Variants in B4GALT1 observed in about 807,000 individuals in gnomAD.
B4GALT1 encodes N-acetyllactosamine synthase.
In B4GALT1, 16 loss-of-function variants were observed where a neutral mutation model predicts 34.9. The ratio of observed to expected loss-of-function variants is 0.46; its 90% CI spans 0.31 to 0.70. The LOEUF (loss-of-function observed/expected upper bound fraction) is 0.70. B4GALT1 is among the 30% of genes least tolerant of loss of function. The pLI, the probability that B4GALT1 is intolerant of heterozygous loss-of-function variation, is 0.05. For missense variants in B4GALT1, 445 were observed against 530.5 expected (o/e 0.84, Z 1.58); for synonymous variants, 221 against 218.1 (o/e 1.01, Z -0.12).
chr9:33,152,642 C>T (rs574346366), intron 1 of B4GALT1, among the ~76,000 whole-genome samples: 9 of 151,744 alleles, frequency 5.9e-5, no homozygotes. Context: ...TTTGGGAGGC[C>T]GAGGCAGGTG....
At chr9:33,161,183 C>T (rs1342207643) in intron 1 of B4GALT1, among the ~76,000 whole-genome samples, 1 of 152,124 alleles carries the variant, frequency 6.6e-6, no homozygotes, top group Non-Finnish European at 1.5e-5. Flanking sequence ...TAGCCCCTGG[C>T]CTTCATTTGT....
chr9:33,153,815 C>T (rs367803157), intron 1 of B4GALT1, among the ~76,000 whole-genome samples: 9 of 152,026 alleles, frequency 5.9e-5, no homozygotes, highest in East Asian at 1.9e-4. Context: ...CAAACTCTCT[C>T]AAAATACAGA....
Position 33,166,868 on chromosome 9 carries a change from C to T in B4GALT1, c.302G>A (p.Ser101Asn), listed in dbSNP as rs1177095523. ...SSQPRPGGDS[S>N]PVVDSGPGPA... ...GCCAGGGCCAGAATCCACGACTGGG[C>T]TGGAGTCGCCACCCGGGCGCGGCTG... is the stretch of plus-strand genomic sequence containing the variant. The change falls in exon 1 of 6, where the codon AGC (serine) becomes AAC (asparagine). Residue 101 changes from serine to asparagine, a missense_variant. Transcript: ENST00000379731. 6.3e-6 allele frequency: 10 copies of T among 1,577,068 alleles called. No individual in the cohort carries two copies. The highest frequency in any genetic ancestry group is 7.7e-6 in the Non-Finnish European group (9 of 1,168,352).
At position 33,162,973 on chromosome 9, in the gene B4GALT1, G is replaced by A. The variant is rs114505399; in HGVS notation, c.412+3785C>T. On this transcript the variant is annotated intron_variant, in intron 1 of 5. Transcript: ENST00000379731. ...TATACGTCAATACATTATTTTCCAC[G>A]AAAAAAACAACAGGACAAAACTGGC... 4.4e-3 allele frequency among the ~76,000 whole-genome samples: 668 copies of A among 152,078 alleles called. 8 individuals are homozygous for A. The highest frequency in any genetic ancestry group is 0.015 in the African/African-American group (637 of 41,472).
chr9:33,142,475 G>T (rs997996368), intron 1 of B4GALT1, among the ~76,000 whole-genome samples: 1 of 152,068 alleles, frequency 6.6e-6, no homozygotes, highest in African/African-American at 2.4e-5. Context: ...CAGAAAACAG[G>T]AATAGTCTAT....
At chr9:33,171,918 T>G (rs1361295322), upstream of B4GALT1, among the ~76,000 whole-genome samples, 1 of 152,204 alleles carries the variant, frequency 6.6e-6, no homozygotes, top group Non-Finnish European at 1.5e-5. Flanking sequence ...CACAGTAGTT[T>G]GCCCAATGGC....
chr9:33,181,348 C>T, the B4GALT1 span, among the ~76,000 whole-genome samples: 1 of 151,458 alleles, frequency 6.6e-6, no homozygotes, highest in Non-Finnish European at 1.5e-5. Flanking sequence ...TGCCTAAGCC[C>T]AGGAGGTTGA....
At chr9:33,125,138 G>C (rs1840072753) in intron 2 of B4GALT1, among the ~76,000 whole-genome samples, 1 of 152,206 alleles carries the variant, frequency 6.6e-6, no homozygotes, top group South Asian at 2.1e-4. Flanking sequence ...TGATTGAGCA[G>C]AGACTGCCAC....
intron 1 of B4GALT1, among the ~76,000 whole-genome samples, chr9:33,150,221 T>A (rs1474115890): frequency 7.1e-6 from 1 of 141,264 alleles, no homozygotes; most frequent in East Asian, 2.0e-4. Flanking sequence ...TATCTATCTA[T>A]CTACAGGTAG....
chr9:33,165,443 C>T (rs1236206840), intron 1 of B4GALT1, among the ~76,000 whole-genome samples: 2 of 152,170 alleles, frequency 1.3e-5, no homozygotes, highest in African/African-American at 2.4e-5. Context: ...GACTAGTCTG[C>T]TTCCCAGAAT....
rs1839853643 is a variant in B4GALT1, at chr9:33,111,246, TAACC to T, written c.*2204_*2207del. On this transcript the variant is annotated 3_prime_UTR_variant, in exon 6 of 6. Transcript: ENST00000379731. ...CACATACTTGACATGAATGAGAAGG[TAACC>T]AAAAAAAAAAAAAAAAAAAAAAAAA... The T allele has an allele frequency of 3.1e-5, 1 of 31,800 alleles. No homozygotes were observed. The highest frequency in any genetic ancestry group is 5.5e-5 in the Non-Finnish European group (1 of 18,098). The allele number at this position is 31,800 out of a possible 1,614,324, so 2.0% of individuals were successfully genotyped here.
intron 2 of B4GALT1, among the ~76,000 whole-genome samples, 162 bp downstream of exon 2, chr9:33,135,027 G>A (rs568332562): frequency 4.6e-5 from 7 of 152,292 alleles, no homozygotes; most frequent in South Asian, 2.1e-4. Context: ...ACTGTTTGGC[G>A]TTTACCTCAT....
At chr9:33,142,022 C>T (rs1442093713) in intron 1 of B4GALT1, among the ~76,000 whole-genome samples, 2 of 152,124 alleles carry the variant, frequency 1.3e-5, no homozygotes, top group African/African-American at 2.4e-5. Context: ...CTCACTCTGT[C>T]GCCAGGCTAG....
At chr9:33,134,188 G>C (rs757932127) in intron 2 of B4GALT1, among the ~76,000 whole-genome samples, 9 of 152,184 alleles carry the variant, frequency 5.9e-5, no homozygotes, top group Non-Finnish European at 1.2e-4. Context: ...CAGTCCTCGA[G>C]TGCTTCCCCT....
intron 4 of B4GALT1, among the ~76,000 whole-genome samples, chr9:33,115,159 A>G (rs1839921183): frequency 4.6e-5 from 7 of 152,242 alleles, no homozygotes; most frequent in Admixed American, 4.6e-4. Flanking sequence ...CAAGGCTTAT[A>G]TTGAAGACGT....
chr9:33,124,599 G>C (rs370328001), intron 2 of B4GALT1, among the ~76,000 whole-genome samples: 2 of 152,134 alleles, frequency 1.3e-5, no homozygotes, highest in African/African-American at 4.8e-5. Context: ...CAGCACCACC[G>C]CACTCCAACC....
chr9:33,122,486 G>A lies in B4GALT1; in HGVS notation c.649-1880C>T, dbSNP rs574966031. Among the ~76,000 whole-genome samples, 5 of 151,204 alleles carry A rather than the reference G, an allele frequency of 3.3e-5. No individual in the cohort carries two copies. The East Asian group carries it at 5.9e-4, about 18-fold the overall frequency. On this transcript the variant is annotated intron_variant, in intron 2 of 5. Transcript: ENST00000379731. ...GGCACCACTGCACTCCAGCCTGGGC[G>A]GCAGAGTGAGACCCCCATCTCAAAA... is the stretch of plus-strand genomic sequence containing the variant.
chr9:33,108,117 A>C (rs1279958265), downstream of B4GALT1, among the ~76,000 whole-genome samples: 1 of 152,242 alleles, frequency 6.6e-6, no homozygotes, highest in Non-Finnish European at 1.5e-5. Context: ...TGTCGTGCTT[A>C]TTATGAGCCA....
chr9:33,155,234 G>A (rs1327760204), intron 1 of B4GALT1, among the ~76,000 whole-genome samples: 1 of 152,112 alleles, frequency 6.6e-6, no homozygotes, highest in African/African-American at 2.4e-5. Flanking sequence ...TCAGTAGGTT[G>A]GAAAGAGAGC....
Sources: allele counts gnomAD v4.1 joint callset (sites outside exome capture counted in the v4.1 genomes callset), GRCh38; gene constraint gnomAD v4.1.1; transcripts MANE v1.5; gene names NCBI Gene and HGNC (gene_info 2026-07-23, HGNC 2026-07-21).